The following DENND5A variants were observed in gnomAD, a reference collection of about 807,000 sequenced individuals.
DENND5A encodes the protein DENN domain containing 5A, also known as DENN domain-containing protein 5A.
DENND5A carries 64 observed loss-of-function variants against 140.3 expected under a neutral mutation model. The observed-to-expected ratio is 0.46, with a 90% CI of 0.37 to 0.56. The LOEUF (loss-of-function observed/expected upper bound fraction) is 0.56, where lower values mean the gene tolerates loss of function less well. Ranked by LOEUF, DENND5A falls within the 20% of genes least tolerant of loss-of-function variation. The pLI is 0.00. For missense variants in DENND5A, 1,292 were observed against 1,593.8 expected, an observed-to-expected ratio of 0.81 and a Z score of 3.22; for synonymous variants, 605 against 607.7, an observed-to-expected ratio of 1.00 and a Z score of 0.07.
At chr11:9,208,718 C>T (rs1029939892) in intron 1 of DENND5A, among the ~76,000 whole-genome samples, 2 of 152,206 alleles carry the variant, frequency 1.3e-5, no homozygotes, top group African/African-American at 4.8e-5. Context: ...AAAGCAAGTG[C>T]CACAATTTCA....
At chr11:9,199,375 T>C (rs1849449041) in intron 4 of DENND5A, among the ~76,000 whole-genome samples, 1 of 151,954 alleles carries the variant, frequency 6.6e-6, no homozygotes, top group South Asian at 2.1e-4. Context: ...TACATGCCTG[T>C]AGTCCCAGCT....
intron 5 of DENND5A, among the ~76,000 whole-genome samples, chr11:9,181,415 C>T (rs1026094677): frequency 6.6e-6 from 1 of 152,110 alleles, no homozygotes; most frequent in Non-Finnish European, 1.5e-5. Flanking sequence ...ACACAAAAGT[C>T]TCACACATGG....
At chr11:9,218,613 G>A (rs370320628) in intron 1 of DENND5A, among the ~76,000 whole-genome samples, 1 of 152,116 alleles carries the variant, frequency 6.6e-6, no homozygotes, top group Non-Finnish European at 1.5e-5. Context: ...AGTAGGCTGA[G>A]GTGGGAAGAT....
At chr11:9,176,936 G>A (rs1848562986) in intron 8 of DENND5A, 1 of 455,976 alleles carries the variant, frequency 2.2e-6, no homozygotes, top group Non-Finnish European at 4.4e-6. Context: ...GAAATTTCTG[G>A]GAAAGCTTTT....
Position 9,164,951 on chromosome 11 carries a change from C to T in DENND5A, c.2283+885G>A, listed in dbSNP as rs1323078788. ...GCGAGCCTGGGCAATATAGTGAGAT[C>T]CTGTCTTTAAAAAAGTTTTTTATTA... On this transcript the variant is annotated intron_variant, in intron 11 of 22. Coordinates refer to ENST00000328194, the MANE Select transcript of DENND5A (RefSeq NM_015213.4). Among the ~76,000 whole-genome samples the T allele has an allele frequency of 2.0e-5, 3 of 152,128 alleles. No homozygotes were observed. In the East Asian group the frequency reaches 5.8e-4, roughly 29 times the overall value.
intron 1 of DENND5A, among the ~76,000 whole-genome samples, chr11:9,244,691 T>A (rs2136279259): frequency 6.6e-6 from 1 of 152,174 alleles, no homozygotes; most frequent in Non-Finnish European, 1.5e-5. Flanking sequence ...TTATTTATTT[T>A]TGGAGATAAG....
intron 1 of DENND5A, among the ~76,000 whole-genome samples, chr11:9,222,980 T>C (rs1401228578): frequency 6.6e-6 from 1 of 152,240 alleles, no homozygotes; most frequent in Non-Finnish European, 1.5e-5. Context: ...CCTGCATCTA[T>C]CATTTGAACT....
intron 11 of DENND5A, among the ~76,000 whole-genome samples, chr11:9,164,747 A>G (rs576837912): frequency 6.6e-6 from 1 of 152,196 alleles, no homozygotes; most frequent in Non-Finnish European, 1.5e-5. Context: ...TTGCTATCAG[A>G]TAAAAATAAA....
chr11:9,152,586 A>C, intron 12 of DENND5A, 144 bp from the exon 13 acceptor site: 1 of 632,772 alleles, frequency 1.6e-6, no homozygotes. Context: ...GTATGCAAAT[A>C]TATCAATTTA....
At chr11:9,256,232 T>C (rs7121753) in intron 1 of DENND5A, among the ~76,000 whole-genome samples, 31,809 of 151,844 alleles carry the variant, frequency 0.21, 3,522 homozygotes, top group African/African-American at 0.26. Flanking sequence ...GAGGCCAAGG[T>C]GGGTGGATCA....
At position 9,193,649 on chromosome 11, in the gene DENND5A, T is replaced by C. The variant is rs1251040128; in HGVS notation, c.982A>G (p.Ile328Val). Residue 328 changes from isoleucine (I) to valine (V), a missense_variant, in exon 5 of 23, where the codon ATT becomes GTT. Transcript: ENST00000328194. Reference sequence around the variant, plus strand: ...TGGAAAGGAAACATGAGAGCTGTAATCGTCTCCGCCACAGTCATCAGTCTC... The same window carrying C: ...TGGAAAGGAAACATGAGAGCTGTAACCGTCTCCGCCACAGTCATCAGTCTC... ...YQRLMTVAET[I>V]TALMFPFQWQ... 2 of 1,613,650 alleles carry C rather than the reference T, an allele frequency of 1.2e-6. No individual in the cohort carries two copies. The highest frequency in any genetic ancestry group is 1.7e-5 in the Admixed American group (1 of 59,940).
chr11:9,182,692 T>C (rs1311101883), intron 5 of DENND5A, among the ~76,000 whole-genome samples: 1 of 152,172 alleles, frequency 6.6e-6, no homozygotes, highest in Non-Finnish European at 1.5e-5. Context: ...CTCACTTGTA[T>C]GTGGGAGCTA....
intron 1 of DENND5A, among the ~76,000 whole-genome samples, chr11:9,232,038 G>A (rs1850794475): frequency 6.6e-6 from 1 of 151,978 alleles, no homozygotes; most frequent in South Asian, 2.1e-4. Flanking sequence ...AAAAAAAATG[G>A]GGAAGCTTTT....
At chr11:9,258,007 G>C (rs1852026087) in intron 1 of DENND5A, among the ~76,000 whole-genome samples, 1 of 149,042 alleles carries the variant, frequency 6.7e-6, no homozygotes, top group African/African-American at 2.5e-5. Flanking sequence ...TGGCCAGGCT[G>C]GTCTCAAACT....
intron 1 of DENND5A, among the ~76,000 whole-genome samples, chr11:9,224,209 T>G (rs1440797259): frequency 6.6e-6 from 1 of 151,794 alleles, no homozygotes; most frequent in African/African-American, 2.4e-5. Flanking sequence ...TAAAGTAAAA[T>G]AAAACATAAG....
chr11:9,239,256 T>C (rs961973737), intron 1 of DENND5A, among the ~76,000 whole-genome samples: 2 of 151,870 alleles, frequency 1.3e-5, no homozygotes, highest in Non-Finnish European at 2.9e-5. Context: ...GGACTCAAAT[T>C]CACGGGCTCA....
chr11:9,152,715 A>G (rs1847661082), intron 12 of DENND5A, among the ~76,000 whole-genome samples: 1 of 152,164 alleles, frequency 6.6e-6, no homozygotes, highest in Non-Finnish European at 1.5e-5. Flanking sequence ...ATAAGAAAGA[A>G]AAAAGCAGCT....
At chr11:9,172,819 T>A (rs980916933) in intron 8 of DENND5A, among the ~76,000 whole-genome samples, 1 of 152,088 alleles carries the variant, frequency 6.6e-6, no homozygotes, top group Non-Finnish European at 1.5e-5. Context: ...ATCTTTTTTT[T>A]ATTTTTATTT....
At chr11:9,193,415 T>G (rs1433553087) in intron 5 of DENND5A, 79 bp downstream of exon 5, 1 of 1,160,198 alleles carries the variant, frequency 8.6e-7, no homozygotes, top group African/African-American at 1.6e-5. Context: ...GGTAACATCA[T>G]GCATGCTGGG....
Sources: gnomAD v4.1 joint callset for allele counts (sites outside exome capture counted in the v4.1 genomes callset) on GRCh38, gnomAD v4.1.1 for gene constraint, MANE v1.5 for transcripts, NCBI Gene and HGNC (gene_info 2026-07-23, HGNC 2026-07-21) for gene names.